SYNPR: variants seen among roughly 807,000 people sequenced by gnomAD.
SYNPR encodes synaptoporin.
In SYNPR, 23 loss-of-function variants were observed where a neutral mutation model predicts 32.9. The ratio of observed to expected loss-of-function variants is 0.70; its 90% CI spans 0.50 to 0.99. The LOEUF is 0.99. Among genes scored for constraint, SYNPR ranks in the 50% least tolerant of loss-of-function variants. SYNPR has a pLI of 0.00. For synonymous variants in SYNPR, 146 were observed against 135.9 expected (o/e 1.07, Z -0.52); for missense variants, 318 against 349.3 (o/e 0.91, Z 0.71).
intron 1 of SYNPR, among the ~76,000 whole-genome samples, chr3:63,246,746 C>T (rs2086293714): frequency 6.6e-6 from 1 of 152,026 alleles, no homozygotes; most frequent in Non-Finnish European, 1.5e-5. Context: ...ACTTGAAATG[C>T]TGTACGGGGC....
At chr3:63,207,071 T>C in the SYNPR span, among the ~76,000 whole-genome samples, 10,044 of 152,256 alleles carry the variant, frequency 0.066, 401 homozygotes, top group Middle Eastern at 0.085. Context: ...TCAGGTCCTA[T>C]TGGCAATGTG....
intron 2 of SYNPR, among the ~76,000 whole-genome samples, chr3:63,372,708 A>T (rs1030765035): frequency 1.3e-5 from 2 of 152,148 alleles, no homozygotes; most frequent in Non-Finnish European, 2.9e-5. Flanking sequence ...CACTGCCAAG[A>T]TCCCTTCCCC....
rs181259274 is a variant in SYNPR, at chr3:63,534,437, A to T, written c.210-22106A>T. 1.3e-3 allele frequency among the ~76,000 whole-genome samples: 197 copies of T among 152,286 alleles called. 1 individual carries two copies. The highest frequency in any genetic ancestry group is 4.4e-3 in the African/African-American group (185 of 41,574). On this transcript the variant is annotated intron_variant, in intron 3 of 5. Transcript: ENST00000478300. ...GCAATATCTCACTTTAAAAATTAAC[A>T]CATAAAAGTCACATTTTGTCAGCAG...
intron 3 of SYNPR, among the ~76,000 whole-genome samples, chr3:63,484,665 T>G (rs1415519199): frequency 6.6e-6 from 1 of 152,202 alleles, no homozygotes; most frequent in East Asian, 1.9e-4. Flanking sequence ...TTAGATTATG[T>G]AGTCATTACA....
intron 4 of SYNPR, among the ~76,000 whole-genome samples, chr3:63,592,650 G>A (rs1699859471): frequency 6.6e-6 from 1 of 151,972 alleles, no homozygotes; most frequent in Non-Finnish European, 1.5e-5. Context: ...TCAGGAATAA[G>A]AATGCTACTT....
chr3:63,442,036 T>C (rs143189877), intron 2 of SYNPR, among the ~76,000 whole-genome samples: 17 of 152,258 alleles, frequency 1.1e-4, no homozygotes, highest in African/African-American at 3.1e-4. Context: ...GACTCCTCGT[T>C]ATGGTTTTTT....
At chr3:63,501,674 C>T (rs1701485242) in intron 3 of SYNPR, among the ~76,000 whole-genome samples, 1 of 151,996 alleles carries the variant, frequency 6.6e-6, no homozygotes, top group African/African-American at 2.4e-5. Flanking sequence ...GTAAGTCTTA[C>T]TTGGATAAAG....
At chr3:63,233,319 A>G (rs2086179348) in intron 1 of SYNPR, among the ~76,000 whole-genome samples, 1 of 152,188 alleles carries the variant, frequency 6.6e-6, no homozygotes, top group African/African-American at 2.4e-5. Context: ...GTAAATTCAA[A>G]TTCTCTTTTC....
intron 2 of SYNPR, among the ~76,000 whole-genome samples, chr3:63,393,491 C>CTTTTTTTTTTTTTTTTTTTTTTTTTTTT (rs1482584312): frequency 8.6e-6 from 1 of 116,622 alleles, no homozygotes; most frequent in Admixed American, 9.1e-5. Context: ...TTCTTTCTTT[C>CTTTTTTTTTTTTTTTTTTTTTTTTTTTT]TTCTCTTTTT....
intron 3 of SYNPR, among the ~76,000 whole-genome samples, chr3:63,528,353 A>G (rs540041492): frequency 6.6e-6 from 1 of 152,306 alleles, no homozygotes; most frequent in South Asian, 2.1e-4. Flanking sequence ...TGCACTGTTA[A>G]TATTCAAGAG....
At chr3:63,257,728 T>G (rs977560979) in intron 2 of SYNPR, among the ~76,000 whole-genome samples, 1 of 152,110 alleles carries the variant, frequency 6.6e-6, no homozygotes, top group Non-Finnish European at 1.5e-5. Flanking sequence ...ATATTAACCT[T>G]AAATGTAAAT....
At chr3:63,235,288 C>T (rs762540740) in intron 1 of SYNPR, among the ~76,000 whole-genome samples, 2 of 152,144 alleles carry the variant, frequency 1.3e-5, no homozygotes, top group African/African-American at 2.4e-5. Context: ...GCCTTGTGTG[C>T]TATGCTAAGG....
intron 4 of SYNPR, among the ~76,000 whole-genome samples, chr3:63,565,834 A>G (rs1416159675): frequency 6.6e-6 from 1 of 152,002 alleles, no homozygotes; most frequent in Non-Finnish European, 1.5e-5. Flanking sequence ...GGAACTCTCT[A>G]CCTGTCACCG....
chr3:63,595,399 A>T (rs1699915383), intron 4 of SYNPR, among the ~76,000 whole-genome samples: 1 of 151,822 alleles, frequency 6.6e-6, no homozygotes. Flanking sequence ...CTCACCCAGC[A>T]GGTTTAAGCC....
At chr3:63,270,902 T>C (rs372558068) in intron 3 of SYNPR, among the ~76,000 whole-genome samples, 2 of 61,384 alleles carry the variant, frequency 3.3e-5, no homozygotes, top group African/African-American at 6.1e-5. Context: ...CTTCCTTTTC[T>C]TTCCTTCCTT....
intron 3 of SYNPR, among the ~76,000 whole-genome samples, chr3:63,538,326 T>C (rs983615823): frequency 6.6e-6 from 1 of 151,802 alleles, no homozygotes; most frequent in Non-Finnish European, 1.5e-5. Flanking sequence ...GAATAATTAA[T>C]GTAATGGTGA....
intron 2 of SYNPR, among the ~76,000 whole-genome samples, chr3:63,380,875 G>C (rs939643612): frequency 2.0e-5 from 3 of 152,074 alleles, no homozygotes; most frequent in African/African-American, 7.2e-5. Flanking sequence ...AAAACTCTCA[G>C]TAAATTAGGT....
At chr3:63,538,725 T>C (rs866946672) in intron 3 of SYNPR, among the ~76,000 whole-genome samples, 1 of 152,072 alleles carries the variant, frequency 6.6e-6, no homozygotes, top group South Asian at 2.1e-4. Context: ...AGAATGGACA[T>C]GCATGAAGCA....
intron 2 of SYNPR, among the ~76,000 whole-genome samples, chr3:63,323,208 T>A (rs545823741): frequency 2.3e-4 from 35 of 152,130 alleles, no homozygotes; most frequent in African/African-American, 7.7e-4. Flanking sequence ...GAGTCAACAA[T>A]CCTTTCTCAT....
Sources: allele counts gnomAD v4.1 joint callset (sites outside exome capture counted in the v4.1 genomes callset), GRCh38; gene constraint gnomAD v4.1.1; transcripts MANE v1.5; gene names NCBI Gene and HGNC (gene_info 2026-07-23, HGNC 2026-07-21).